The following JPH1 variants were observed in gnomAD, a reference collection of about 807,000 sequenced individuals.
JPH1 encodes junctophilin-1.
JPH1 carries 12 observed loss-of-function variants against 53.6 expected under a neutral mutation model. The observed-to-expected ratio is 0.22, with a 90% CI of 0.14 to 0.36. The LOEUF is 0.36. Among genes scored for constraint, JPH1 ranks in the 10% least tolerant of loss-of-function variants. JPH1 has a pLI of 1.00. For synonymous variants in JPH1, 375 were observed against 363.8 expected (o/e 1.03, Z -0.35); for missense variants, 808 against 905.5 (o/e 0.89, Z 1.38).
At chr8:74,308,168 AAAAG>A (rs1482258201) in intron 2 of JPH1, among the ~76,000 whole-genome samples, 3 of 152,354 alleles carry the variant, frequency 2.0e-5, no homozygotes, top group African/African-American at 7.2e-5. Flanking sequence ...TGTCAAATAC[AAAAG>A]CTAAGCCAAT....
At chr8:74,273,350 T>C (rs1461437619) in intron 2 of JPH1, among the ~76,000 whole-genome samples, 1 of 152,230 alleles carries the variant, frequency 6.6e-6, no homozygotes, top group African/African-American at 2.4e-5. Flanking sequence ...TGAAAGTTTT[T>C]TGTTTTCATT....
chr8:74,300,600 C>T (rs538302585), intron 2 of JPH1, among the ~76,000 whole-genome samples: 4 of 152,188 alleles, frequency 2.6e-5, no homozygotes, highest in African/African-American at 7.2e-5. Flanking sequence ...AATCTTGTTC[C>T]GAAGTATACA....
chr8:74,243,898 A>C (rs1357226430), intron 4 of JPH1, among the ~76,000 whole-genome samples: 1 of 152,228 alleles, frequency 6.6e-6, no homozygotes, highest in Non-Finnish European at 1.5e-5. Context: ...CAGAAAACTG[A>C]AATTGTAAGA....
chr8:74,318,550 T>C (rs1162939758), intron 1 of JPH1, among the ~76,000 whole-genome samples: 1 of 152,206 alleles, frequency 6.6e-6, no homozygotes, highest in Admixed American at 6.5e-5. Flanking sequence ...TAACTTATTG[T>C]TAATATTCAG....
In JPH1 at chr8:74,316,157, T is replaced by G. The variant is rs542086296; in HGVS notation, c.380-537A>C. 6.4e-4 allele frequency among the ~76,000 whole-genome samples: 98 copies of G among 152,364 alleles called. 1 individual carries two copies. The South Asian group carries it at 0.016, about 24-fold the overall frequency. The stretch of plus-strand genomic sequence containing the variant: ...CAAATGAACGTCTTAAATTTTCTGC[T>G]ACATTCAGCATCTCTTTTTTTAGTG... On this transcript the variant is annotated intron_variant, in intron 1 of 5. Transcript: ENST00000342232.
chr8:74,295,047 A>G (rs1807465929), intron 2 of JPH1, among the ~76,000 whole-genome samples: 1 of 152,198 alleles, frequency 6.6e-6, no homozygotes, highest in South Asian at 2.1e-4. Context: ...CATAAGTTTG[A>G]ATGACAATAG....
intron 2 of JPH1, among the ~76,000 whole-genome samples, chr8:74,278,977 ACG>A (rs1806929900): frequency 1.5e-5 from 2 of 136,222 alleles, no homozygotes; most frequent in Admixed American, 1.4e-4. Context: ...AGAAACACAC[ACG>A]CACACGCGCG....
Position 74,315,680 on chromosome 8 carries a change from C to A in JPH1, c.380-60G>T. ...GGGCAGAGCTGCACCGTCACCTGCACCATCCAGCGCACACTGGCGCAGGCC... is the reference window on the plus strand; with the variant it reads ...GGGCAGAGCTGCACCGTCACCTGCAACATCCAGCGCACACTGGCGCAGGCC... On this transcript the variant is annotated intron_variant, in intron 1 of 5. Coordinates refer to ENST00000342232, the MANE Select transcript of JPH1 (RefSeq NM_020647.4). This position sits in a 1 kb window ranked among gnomAD's most constrained non-coding sequence, Gnocchi z 6.3. The A allele has an allele frequency of 6.7e-7, 1 of 1,483,234 alleles. No homozygotes were observed. 91.9% of individuals were successfully genotyped at this position (1,483,234 alleles called of 1,614,324 possible).
chr8:74,300,855 T>A (rs1586768112), intron 2 of JPH1, among the ~76,000 whole-genome samples: 1 of 152,188 alleles, frequency 6.6e-6, no homozygotes, highest in African/African-American at 2.4e-5. Flanking sequence ...ACCCGTTTCA[T>A]TGATAAGAAA....
intron 2 of JPH1, among the ~76,000 whole-genome samples, chr8:74,276,856 T>C (rs948704880): frequency 9.9e-5 from 15 of 152,244 alleles, no homozygotes; most frequent in Non-Finnish European, 1.5e-4. Context: ...TTAAAATTTT[T>C]CTCAAATCAA....
At chr8:74,310,414 C>T (rs1229690163) in intron 2 of JPH1, among the ~76,000 whole-genome samples, 1 of 152,026 alleles carries the variant, frequency 6.6e-6, no homozygotes, top group Non-Finnish European at 1.5e-5. Context: ...TGGAGCAGAG[C>T]AGAGGCCTAA....
Position 74,246,420 on chromosome 8 carries a change from T to C in JPH1, c.1259-1245A>G, listed in dbSNP as rs115712235. Reference sequence around the variant, plus strand: ...CAGCAATTATCCTTAATTGTGAAACTACATACTGCACACTTACACTTGTAA... The same window carrying C: ...CAGCAATTATCCTTAATTGTGAAACCACATACTGCACACTTACACTTGTAA... On this transcript the variant is annotated intron_variant, in intron 3 of 5. Transcript: ENST00000342232. 1.5e-3 allele frequency among the ~76,000 whole-genome samples: 231 copies of C among 152,328 alleles called. 1 individual carries two copies. Among genetic ancestry groups the C allele is most frequent in the African/African-American group, 5.3e-3 (222 of 41,568 alleles).
In JPH1 at chr8:74,245,226, T is replaced by C. The variant is rs754110983; in HGVS notation, c.1259-51A>G. 2.1e-6 allele frequency: 3 copies of C among 1,457,786 alleles called. No homozygotes were observed. The Admixed American group carries it at 7.3e-5, about 35-fold the overall frequency. The allele number at this position is 1,457,786 out of a possible 1,614,324, so 90.3% of individuals were successfully genotyped here. A position where few individuals can be genotyped will look rare whatever the true frequency, so the allele number is the denominator to read the frequency against. ...AAAAAAGAAAGGAGGTATATATACA[T>C]ATATTTTGCTAAATCAGATTAACCT... is the stretch of plus-strand genomic sequence containing the variant. On this transcript the variant is annotated intron_variant, in intron 3 of 5. Transcript: ENST00000342232.
intron 2 of JPH1, among the ~76,000 whole-genome samples, chr8:74,268,303 A>G (rs1563403928): frequency 6.6e-6 from 1 of 152,214 alleles, no homozygotes; most frequent in African/African-American, 2.4e-5. Context: ...AGAAAGGCAC[A>G]TAAGAATCTA....
At position 74,320,839 on chromosome 8, in the gene JPH1, T is replaced by A; in HGVS notation, c.379+70A>T. On this transcript the variant is annotated intron_variant, in intron 1 of 5. Coordinates refer to ENST00000342232, the MANE Select transcript of JPH1 (RefSeq NM_020647.4). This position sits in a 1 kb window ranked among gnomAD's most constrained non-coding sequence, Gnocchi z 4.4. ...ACGTGCGCCCGGCGTCCTCCCCGCT[T>A]CCCCGCAGCCGGGGCAGAGCCCACC... The A allele has an allele frequency of 7.1e-7, 1 of 1,417,706 alleles. No individual in the cohort carries two copies. The highest frequency in any genetic ancestry group is 9.2e-7 in the Non-Finnish European group (1 of 1,085,894). 87.8% of individuals were successfully genotyped at this position (1,417,706 alleles called of 1,614,324 possible). A position where few individuals can be genotyped will look rare whatever the true frequency, so the allele number is the denominator to read the frequency against.
chr8:74,302,608 T>G (rs1464571179), intron 2 of JPH1, among the ~76,000 whole-genome samples: 1 of 152,140 alleles, frequency 6.6e-6, no homozygotes, highest in Non-Finnish European at 1.5e-5. Context: ...TGACAGGGCT[T>G]AGGCAAGGAG....
At chr8:74,282,451 T>A (rs892058011) in intron 2 of JPH1, among the ~76,000 whole-genome samples, 1 of 152,220 alleles carries the variant, frequency 6.6e-6, no homozygotes, top group African/African-American at 2.4e-5. Flanking sequence ...AGGATAGAGA[T>A]GTCACGAATA....
chr8:74,291,215 T>TTTC (rs1412303990), intron 2 of JPH1, among the ~76,000 whole-genome samples: 2 of 151,826 alleles, frequency 1.3e-5, no homozygotes, highest in African/African-American at 4.8e-5. Context: ...TGGGAGAAAA[T>TTTC]TTTTACAATC....
intron 2 of JPH1, among the ~76,000 whole-genome samples, chr8:74,299,340 C>T (rs1041740782): frequency 4.6e-5 from 7 of 152,108 alleles, no homozygotes; most frequent in Admixed American, 1.3e-4. Flanking sequence ...TGCCTCCTTA[C>T]ATATTTTACA....
Sources: gnomAD v4.1 joint callset for allele counts (sites outside exome capture counted in the v4.1 genomes callset) on GRCh38, gnomAD v4.1.1 for gene constraint, Gnocchi (gnomAD v3.1) non-coding constraint, MANE v1.5 for transcripts, NCBI Gene and HGNC (gene_info 2026-07-23, HGNC 2026-07-21) for gene names.